WIPI2: variants seen among roughly 807,000 people sequenced by gnomAD.
The protein encoded by WIPI2 is WD repeat domain phosphoinositide-interacting protein 2.
Under a neutral mutation model 52.3 loss-of-function variants are expected in WIPI2, and 28 were observed. The ratio of observed to expected loss-of-function variants is 0.54; its 90% confidence interval spans 0.40 to 0.73. The LOEUF (loss-of-function observed/expected upper bound fraction) is 0.73, where lower values mean the gene tolerates loss of function less well. WIPI2 is among the 30% of genes least tolerant of loss of function. The probability of loss-of-function intolerance (pLI) is 0.00; values close to 1 mark genes in which losing one functional copy is unlikely to be tolerated. For synonymous variants in WIPI2, 268 were observed against 245.0 expected, an observed-to-expected ratio of 1.09 and a Z score of -0.88; for missense variants, 506 against 602.9, an observed-to-expected ratio of 0.84 and a Z score of 1.68.
At chr7:5,208,194 G>T (rs1782384028) in intron 3 of WIPI2, among the ~76,000 whole-genome samples, 1 of 152,114 alleles carries the variant, frequency 6.6e-6, no homozygotes, top group Non-Finnish European at 1.5e-5. Flanking sequence ...TCATGTGCTT[G>T]TTGGCCGTTT....
At chr7:5,215,095 G>A (rs1033111511) in intron 4 of WIPI2, among the ~76,000 whole-genome samples, 1 of 152,226 alleles carries the variant, frequency 6.6e-6, no homozygotes, top group Non-Finnish European at 1.5e-5. Context: ...CAGATTGCCT[G>A]AGGTCAGGAA....
At position 5,199,600 on chromosome 7, in the gene WIPI2, C is replaced by T. The variant is rs758161277; in HGVS notation, c.153C>T (p.Ser51=). 21 of 1,613,180 alleles carry T rather than the reference C, an allele frequency of 1.3e-5. No homozygotes were observed. The highest frequency in any genetic ancestry group is 1.7e-4 in the Middle Eastern group (1 of 6,024). Residue 51 remains serine, a synonymous_variant, in exon 3 of 13, where the codon TCC becomes TCT. Coordinates refer to ENST00000288828, the MANE Select transcript of WIPI2 (RefSeq NM_015610.4). ...VVWSLAVGSK[S]GYKFFSLSSV... ...GGTCCCTAGCTGTTGGTAGTAAGTC[C>T]GGTTATAAATTTTTCTCCCTTTCTT...
chr7:5,223,538 GA>G (rs1270852246), intron 8 of WIPI2, among the ~76,000 whole-genome samples: 1 of 152,140 alleles, frequency 6.6e-6, no homozygotes, highest in African/African-American at 2.4e-5. Flanking sequence ...CATCTTTCTG[GA>G]GTTTTCCTGT....
At chr7:5,226,093 G>A in intron 9 of WIPI2, 163 bp downstream of exon 9, 1 of 660,042 alleles carries the variant, frequency 1.5e-6, no homozygotes, top group Non-Finnish European at 2.7e-6. Flanking sequence ...TCCAGGCTCG[G>A]CAGTGAGGAG....
At chr7:5,191,466 C>T (rs992670127) in intron 1 of WIPI2, among the ~76,000 whole-genome samples, 37 of 152,148 alleles carry the variant, frequency 2.4e-4, no homozygotes, top group African/African-American at 8.7e-4. Context: ...CTCAGAGCTC[C>T]AGCGGGTGGG....
chr7:5,191,535 T>TC (rs1269867215), intron 1 of WIPI2, among the ~76,000 whole-genome samples: 3 of 152,030 alleles, frequency 2.0e-5, no homozygotes, highest in Non-Finnish European at 4.4e-5. Context: ...ACGCTGTTTG[T>TC]CCCCACTGAT....
At chr7:5,197,586 T>C (rs540481600) in intron 2 of WIPI2, among the ~76,000 whole-genome samples, 2 of 152,360 alleles carry the variant, frequency 1.3e-5, no homozygotes, top group Non-Finnish European at 2.9e-5. Flanking sequence ...TTTCTGTTCT[T>C]TTTATCCTTC....
At chr7:5,206,918 C>T (rs1782321913) in intron 3 of WIPI2, among the ~76,000 whole-genome samples, 1 of 152,156 alleles carries the variant, frequency 6.6e-6, no homozygotes, top group African/African-American at 2.4e-5. Context: ...GCTGAGGCTA[C>T]AGGAGTGCAC....
rs912966681 is a variant in WIPI2, at chr7:5,227,050, C to G, written c.849-130C>G. 2.3e-6 allele frequency: 3 copies of G among 1,305,460 alleles called. No homozygotes were observed. The Admixed American group carries it at 6.4e-5, about 28-fold the overall frequency. 80.9% of individuals were successfully genotyped at this position (1,305,460 alleles called of 1,614,324 possible). A position where few individuals can be genotyped will look rare whatever the true frequency, so the allele number is the denominator to read the frequency against. ...CCTGAGTGTCTGCTTATAACCAACC[C>G]TGTTTAATTTTCCTGTGAAGAATGG... On this transcript the variant is annotated intron_variant, in intron 9 of 12. Coordinates refer to ENST00000288828, the MANE Select transcript of WIPI2 (RefSeq NM_015610.4). This position sits in a 1 kb window ranked among gnomAD's most constrained non-coding sequence, Gnocchi z 8.1.
At chr7:5,205,540 C>G (rs1429751196) in intron 3 of WIPI2, among the ~76,000 whole-genome samples, 1 of 152,212 alleles carries the variant, frequency 6.6e-6, no homozygotes, top group African/African-American at 2.4e-5. Context: ...TGTCCTGCCT[C>G]TGCTGCTGCC....
intron 3 of WIPI2, among the ~76,000 whole-genome samples, chr7:5,212,440 C>T (rs62441954): frequency 0.2 from 30,244 of 152,138 alleles, 3,543 homozygotes; most frequent in Admixed American, 0.36. Flanking sequence ...CCTTGTGCCC[C>T]TGGATTTGCA....
rs536394096 is a variant in WIPI2, at chr7:5,198,271, C to T, written c.129-1305C>T. ...CACAGAGAGATGCCTGCGCCCACCTCGATTTTAAATACCTTCGTTTAAAAT... is the reference window on the plus strand; with the variant it reads ...CACAGAGAGATGCCTGCGCCCACCTTGATTTTAAATACCTTCGTTTAAAAT... On this transcript the variant is annotated intron_variant, in intron 2 of 12. Coordinates refer to ENST00000288828, the MANE Select transcript of WIPI2 (RefSeq NM_015610.4). Among the ~76,000 whole-genome samples the T allele has an allele frequency of 3.9e-5, 6 of 152,014 alleles. No homozygotes were observed. In the South Asian group the frequency reaches 1.2e-3, roughly 32 times the overall value.
chr7:5,208,159 A>G (rs560627198), intron 3 of WIPI2, among the ~76,000 whole-genome samples: 17 of 152,308 alleles, frequency 1.1e-4, no homozygotes, highest in Admixed American at 2.0e-4. Context: ...TGAATTTCTC[A>G]GGTAACTAAT....
rs185202445 is a variant in WIPI2 at position 5,198,606 on chromosome 7, A to G, written c.129-970A>G. ...TGGGATTATAGGCATGAGCCACCAC[A>G]CCTGGCCAGCTTACTTAACTCTCAT... On this transcript the variant is annotated intron_variant, in intron 2 of 12. Coordinates refer to ENST00000288828, the MANE Select transcript of WIPI2 (RefSeq NM_015610.4). Among the ~76,000 whole-genome samples the G allele has an allele frequency of 5.2e-3, 794 of 152,196 alleles. 6 individuals carry two copies. The highest frequency in any genetic ancestry group is 8.5e-3 in the Non-Finnish European group (575 of 68,004).
At chr7:5,199,723 T>C in intron 3 of WIPI2, 65 bp downstream of exon 3, 5 of 1,464,050 alleles carry the variant, frequency 3.4e-6, no homozygotes, top group African/African-American at 1.4e-5. Context: ...TGAATTGGAA[T>C]GCGATCTAAA....
intron 2 of WIPI2, among the ~76,000 whole-genome samples, chr7:5,197,869 G>GT (rs1781826613): frequency 6.6e-6 from 1 of 152,120 alleles, no homozygotes; most frequent in Non-Finnish European, 1.5e-5. Context: ...TCTGTACCCC[G>GT]GTGCTTCCTG....
chr7:5,216,140 G>C (rs1253959353), intron 4 of WIPI2: 1 of 158,658 alleles, frequency 6.3e-6, no homozygotes. Context: ...CTGTATCCTT[G>C]GCGCTTCTAA....
intron 3 of WIPI2, among the ~76,000 whole-genome samples, chr7:5,204,430 G>A (rs1387556696): frequency 6.6e-6 from 1 of 152,192 alleles, no homozygotes; most frequent in Non-Finnish European, 1.5e-5. Context: ...TTGTGCCACT[G>A]CGCTCCAGCT....
intron 2 of WIPI2, among the ~76,000 whole-genome samples, chr7:5,195,050 ACT>A (rs940794960): frequency 1.3e-5 from 2 of 151,994 alleles, no homozygotes; most frequent in African/African-American, 2.4e-5. Flanking sequence ...GGACAGGCCT[ACT>A]CTCTGGGGAG....
Sources: allele counts gnomAD v4.1 joint callset (sites outside exome capture counted in the v4.1 genomes callset), GRCh38; gene constraint gnomAD v4.1.1; non-coding constraint Gnocchi (gnomAD v3.1); transcripts MANE v1.5; gene names NCBI Gene and HGNC (gene_info 2026-07-23, HGNC 2026-07-21).